SNTB2: variants seen among roughly 807,000 people sequenced by gnomAD.
The protein encoded by SNTB2 is syntrophin beta 2, also known as beta-2-syntrophin.
A neutral mutation model predicts 46.2 loss-of-function variants in SNTB2; 34 were observed. That is an observed-to-expected ratio of 0.74 (90% CI 0.56 to 0.98). SNTB2 has a LOEUF of 0.98. SNTB2 is among the 50% of genes least tolerant of loss of function. The pLI, the probability that SNTB2 is intolerant of heterozygous loss-of-function variation, is 0.00. For synonymous variants in SNTB2, 290 were observed against 312.6 expected (o/e 0.93, Z 0.76); for missense variants, 603 against 731.4 (o/e 0.82, Z 2.02).
chr16:69,266,215 T>G (rs1343824948), intron 3 of SNTB2, among the ~76,000 whole-genome samples: 1 of 151,892 alleles, frequency 6.6e-6, no homozygotes. Context: ...AAATACAAAA[T>G]TAGCCGGGCA....
intron 1 of SNTB2, among the ~76,000 whole-genome samples, chr16:69,211,320 C>CA (rs1964284076): frequency 6.6e-6 from 1 of 151,698 alleles, no homozygotes; most frequent in South Asian, 2.1e-4. Flanking sequence ...TTTTATTAAC[C>CA]ATTTCAAATG....
intron 1 of SNTB2, among the ~76,000 whole-genome samples, chr16:69,209,737 G>A (rs1218373311): frequency 6.6e-6 from 1 of 152,140 alleles, no homozygotes; most frequent in African/African-American, 2.4e-5. Context: ...GAATGAGTTA[G>A]GAGATTTGCT....
chr16:69,234,280 C>T (rs376821460), intron 1 of SNTB2, among the ~76,000 whole-genome samples: 2 of 152,282 alleles, frequency 1.3e-5, no homozygotes, highest in East Asian at 3.9e-4. Context: ...CTGTAGTAAG[C>T]CGTGGTTGTA....
intron 5 of SNTB2, among the ~76,000 whole-genome samples, chr16:69,297,516 GT>G (rs572240942): frequency 1.1e-4 from 17 of 151,670 alleles, no homozygotes; most frequent in Admixed American, 1.1e-3. Context: ...TACTCAGGAG[GT>G]TGAGGCGGGA....
At chr16:69,296,950 C>T (rs1255384402) in intron 5 of SNTB2, among the ~76,000 whole-genome samples, 3 of 149,368 alleles carry the variant, frequency 2.0e-5, no homozygotes, top group African/African-American at 5.0e-5. Flanking sequence ...TGCAGGGAGC[C>T]GAGGTTGCGC....
Position 69,280,802 on chromosome 16 carries a change from C to CTTTT in SNTB2, c.1149-3236_1149-3233dup, listed in dbSNP as rs35066494. On this transcript the variant is annotated intron_variant, in intron 4 of 6. Transcript: ENST00000336278. ...TCCGCAGCTTGTCTTTTCATTCTCT[C>CTTTT]TTTTTTTTTTTTTGAGACGGAGTCT... 6.0e-4 allele frequency among the ~76,000 whole-genome samples: 88 copies of CTTTT among 146,358 alleles called. No homozygotes were observed. The South Asian group carries it at 6.2e-3, about 10-fold the overall frequency.
chr16:69,286,651 C>T (rs1965105260), intron 5 of SNTB2, among the ~76,000 whole-genome samples: 1 of 151,398 alleles, frequency 6.6e-6, no homozygotes, highest in Non-Finnish European at 1.5e-5. Context: ...TGCCATGGCA[C>T]TCCAGCCTGG....
chr16:69,222,225 T>A (rs1183294144), intron 1 of SNTB2, among the ~76,000 whole-genome samples: 1 of 152,188 alleles, frequency 6.6e-6, no homozygotes, highest in African/African-American at 2.4e-5. Flanking sequence ...ATAAAAAATA[T>A]CAACTGTAAA....
chr16:69,216,031 G>A (rs1375429017), intron 1 of SNTB2, among the ~76,000 whole-genome samples: 7 of 152,140 alleles, frequency 4.6e-5, no homozygotes, highest in African/African-American at 7.2e-5. Context: ...ACCCAGGCTG[G>A]TCCTGAACTT....
chr16:69,284,355 C>T, intron 5 of SNTB2, 111 bp downstream of exon 5: 1 of 803,028 alleles, frequency 1.2e-6, no homozygotes, highest in Non-Finnish European at 1.8e-6. Context: ...TGACAGCAGT[C>T]CCCTCAGATT....
chr16:69,263,153 C>T (rs1237659562), intron 3 of SNTB2, among the ~76,000 whole-genome samples: 1 of 150,484 alleles, frequency 6.6e-6, no homozygotes, highest in African/African-American at 2.4e-5. Flanking sequence ...TTCACCTGAG[C>T]TGGAGTGCAG....
At chr16:69,238,831 C>G (rs1275944137) in intron 1 of SNTB2, among the ~76,000 whole-genome samples, 5 of 152,176 alleles carry the variant, frequency 3.3e-5, no homozygotes, top group Non-Finnish European at 2.9e-5. Flanking sequence ...CCCTGTTAAC[C>G]TGCCAGCTGG....
At chr16:69,285,974 G>A (rs1441951292) in intron 5 of SNTB2, among the ~76,000 whole-genome samples, 1 of 151,990 alleles carries the variant, frequency 6.6e-6, no homozygotes, top group African/African-American at 2.4e-5. Flanking sequence ...TGTATTTTTA[G>A]TAGAGACAGG....
chr16:69,214,127 A>AT (rs779200195), intron 1 of SNTB2, among the ~76,000 whole-genome samples: 8,349 of 126,358 alleles, frequency 0.066, 305 homozygotes, highest in South Asian at 0.096. Context: ...CCAGCCTTTT[A>AT]TTTTTTTTTT....
At chr16:69,220,534 G>GTT (rs535327994) in intron 1 of SNTB2, among the ~76,000 whole-genome samples, 1 of 140,982 alleles carries the variant, frequency 7.1e-6, no homozygotes. Flanking sequence ...TCCATGTTTT[G>GTT]TTTTTTTTTT....
chr16:69,199,364 C>G (rs536596188), intron 1 of SNTB2, among the ~76,000 whole-genome samples: 1 of 152,120 alleles, frequency 6.6e-6, no homozygotes, highest in East Asian at 1.9e-4. Context: ...GCAGATAAAT[C>G]GGCTTTTGCT....
intron 5 of SNTB2, among the ~76,000 whole-genome samples, chr16:69,289,685 C>A (rs1412097475): frequency 6.6e-6 from 1 of 152,036 alleles, no homozygotes; most frequent in Non-Finnish European, 1.5e-5. Flanking sequence ...CCTATAATCC[C>A]AGCACTTTGG....
chr16:69,192,235 G>A (rs1409134051), intron 1 of SNTB2, among the ~76,000 whole-genome samples: 3 of 152,130 alleles, frequency 2.0e-5, no homozygotes, highest in Non-Finnish European at 4.4e-5. Flanking sequence ...AGTGGCAGTG[G>A]GAATAGAGAG....
At chr16:69,215,392 A>G (rs1016386095) in intron 1 of SNTB2, among the ~76,000 whole-genome samples, 1 of 152,138 alleles carries the variant, frequency 6.6e-6, no homozygotes, top group Non-Finnish European at 1.5e-5. Context: ...GTCTCTAAAA[A>G]TAAAAAAAGA....
Sources: allele counts gnomAD v4.1 joint callset (sites outside exome capture counted in the v4.1 genomes callset), GRCh38; gene constraint gnomAD v4.1.1; transcripts MANE v1.5; gene names NCBI Gene and HGNC (gene_info 2026-07-23, HGNC 2026-07-21).